VPS13A: variants seen among roughly 807,000 people sequenced by gnomAD.
VPS13A encodes the protein intermembrane lipid transfer protein VPS13A.
A neutral mutation model predicts 390.9 loss-of-function variants in VPS13A; 264 were observed. That is an observed-to-expected ratio of 0.68 (90% CI 0.61 to 0.75). The LOEUF is 0.75. Among genes scored for constraint, VPS13A ranks in the 30% least tolerant of loss-of-function variants. VPS13A has a pLI of 0.00. For synonymous variants in VPS13A, 1,231 were observed against 1,227.1 expected (o/e 1.00, Z -0.07); for missense variants, 3,409 against 3,733.9 (o/e 0.91, Z 2.27).
intron 45 of VPS13A, among the ~76,000 whole-genome samples, chr9:77,327,104 G>A (rs537013836): frequency 6.6e-6 from 1 of 152,286 alleles, no homozygotes; most frequent in Non-Finnish European, 1.5e-5. Context: ...GGTAGTCATA[G>A]GGCTTATGTA....
intron 67 of VPS13A, among the ~76,000 whole-genome samples, chr9:77,375,573 CA>C (rs1438062280): frequency 6.6e-6 from 1 of 152,106 alleles, no homozygotes; most frequent in Non-Finnish European, 1.5e-5. Flanking sequence ...AAGATAGTAA[CA>C]ATTTCAAACT....
At chr9:77,318,849 A>G (rs1003210589) in intron 41 of VPS13A, among the ~76,000 whole-genome samples, 6 of 152,154 alleles carry the variant, frequency 3.9e-5, no homozygotes, top group Non-Finnish European at 7.3e-5. Flanking sequence ...CAACTTAAAG[A>G]TAATATATTA....
intron 67 of VPS13A, 108 bp downstream of exon 67, chr9:77,371,257 T>C (rs1458899261): frequency 1.4e-6 from 2 of 1,462,922 alleles, no homozygotes; most frequent in East Asian, 2.4e-5. Flanking sequence ...TGTTTTGTGC[T>C]GCTATAACAT....
At chr9:77,186,989 A>G (rs981442616) in intron 1 of VPS13A, among the ~76,000 whole-genome samples, 2 of 152,138 alleles carry the variant, frequency 1.3e-5, no homozygotes, top group Non-Finnish European at 2.9e-5. Flanking sequence ...AGTATTTGCC[A>G]TTTGTTATTG....
chr9:77,185,093 T>C (rs1342177019), intron 1 of VPS13A, among the ~76,000 whole-genome samples: 4 of 151,838 alleles, frequency 2.6e-5, no homozygotes, highest in Non-Finnish European at 5.9e-5. Context: ...ACATCTGAAG[T>C]GAGGGGCAGT....
rs530043210 is a variant in VPS13A, at chr9:77,270,044, T to C, written c.2428-3236T>C. On this transcript the variant is annotated intron_variant, in intron 23 of 71. Transcript: ENST00000360280. The stretch of plus-strand genomic sequence containing the variant: ...GCCTCCAGAACTGTGAGAACATAGA[T>C]TTCTGTTGTTAAAGTCACCCAGTCT... Among the ~76,000 whole-genome samples the C allele has an allele frequency of 5.9e-5, 9 of 152,308 alleles. No homozygotes were observed. In the South Asian group the frequency reaches 1.7e-3, roughly 28 times the overall value.
At chr9:77,269,882 C>T (rs560615507) in intron 23 of VPS13A, among the ~76,000 whole-genome samples, 2 of 152,170 alleles carry the variant, frequency 1.3e-5, no homozygotes, top group Non-Finnish European at 1.5e-5. Flanking sequence ...CTAGGGTGGG[C>T]GCTAATCCAG....
intron 19 of VPS13A, among the ~76,000 whole-genome samples, chr9:77,239,067 ATT>A (rs560423691): frequency 6.7e-6 from 1 of 149,410 alleles, no homozygotes; most frequent in African/African-American, 2.5e-5. Flanking sequence ...TCCTTACTGG[ATT>A]TTTTTTTTCC....
chr9:77,295,783 A>G lies in VPS13A; in HGVS notation c.3749A>G (p.Gln1250Arg). 2 of 1,614,008 alleles carry G rather than the reference A, an allele frequency of 1.2e-6. No homozygotes were observed. Among genetic ancestry groups the G allele is most frequent in the Non-Finnish European group, 1.7e-6 (2 of 1,179,916 alleles). Residue 1250 changes from glutamine to arginine, a missense_variant, in exon 33 of 72, where the codon CAG (glutamine) becomes CGG (arginine). Physicochemically the swap from Gln to Arg is conservative, Grantham distance 43. This residue lies in a region of VPS13A where 2,717 missense variants were observed against 2,917.4 expected (regional missense o/e 0.93). Coordinates refer to ENST00000360280, the MANE Select transcript of VPS13A (RefSeq NM_033305.3). ...ACCTTTCATATGATAACAGAGAGCC[A>G]GAGCTCTCCCCCACCTGTTATTGAT... is the stretch of plus-strand genomic sequence containing the variant. The part of the protein sequence containing the change: ...TNTFHMITES[Q>R]SSPPPVIDLI...
chr9:77,292,789 G>C (rs1827755823), intron 31 of VPS13A, among the ~76,000 whole-genome samples: 1 of 151,970 alleles, frequency 6.6e-6, no homozygotes, highest in Non-Finnish European at 1.5e-5. Context: ...AACTGTTATT[G>C]CAGAGCTTGA....
intron 67 of VPS13A, among the ~76,000 whole-genome samples, chr9:77,374,134 T>C (rs1832943916): frequency 6.6e-6 from 1 of 152,192 alleles, no homozygotes; most frequent in Non-Finnish European, 1.5e-5. Flanking sequence ...ACCCTTCCTT[T>C]ATTATCTTAT....
At position 77,276,106 on chromosome 9, in the gene VPS13A, A is replaced by C. The variant is rs1256989711; in HGVS notation, c.2709A>C (p.Leu903=). Residue 903 remains leucine (L), a synonymous_variant, in exon 26 of 72, where the codon CTA becomes CTC. Coordinates refer to ENST00000360280, the MANE Select transcript of VPS13A (RefSeq NM_033305.3). The part of the protein sequence containing the change: ...EFYHLVGDCE[L]SVVEILVLGL... ...ATCACCTTGTTGGAGATTGTGAACT[A>C]TCTGTGGTAGAAATTCTTGTTTTAG... is the stretch of plus-strand genomic sequence containing the variant. The C allele has an allele frequency of 6.2e-7, 1 of 1,613,098 alleles. No individual in the cohort carries two copies. Among genetic ancestry groups the C allele is most frequent in the Non-Finnish European group, 8.5e-7 (1 of 1,179,728 alleles).
In VPS13A at chr9:77,273,271, T is replaced by TTC. The variant is rs1554878336; in HGVS notation, c.2428-7_2428-6dup. 6.2e-7 allele frequency: 1 copy of TTC among 1,603,198 alleles called. No individual in the cohort carries two copies. The highest frequency in any genetic ancestry group is 8.5e-7 in the Non-Finnish European group (1 of 1,171,808). ...TGTGCTAATCAACATTGAATTACTT[T>TTC]TCTTTCAGATTCAAACATCTACTTC... On this transcript the variant is annotated splice_polypyrimidine_tract_variant and intron_variant, in intron 23 of 71. Coordinates refer to ENST00000360280, the MANE Select transcript of VPS13A (RefSeq NM_033305.3).
rs370646590 is a variant in VPS13A at position 77,280,143 on chromosome 9, A to T, written c.2825-16A>T. ...CCTTTCCGATGAAAAGATAATTTTT[A>T]AAAAATTATTTTTAGATGAAAACAA... On this transcript the variant is annotated splice_polypyrimidine_tract_variant and intron_variant, in intron 26 of 71. Coordinates refer to ENST00000360280, the MANE Select transcript of VPS13A (RefSeq NM_033305.3). 5.7e-6 allele frequency: 9 copies of T among 1,568,998 alleles called. No individual in the cohort carries two copies. In the African/African-American group the frequency reaches 8.2e-5, roughly 14 times the overall value.
intron 17 of VPS13A, among the ~76,000 whole-genome samples, chr9:77,235,431 G>C (rs1824088985): frequency 6.6e-6 from 1 of 152,070 alleles, no homozygotes; most frequent in Non-Finnish European, 1.5e-5. Flanking sequence ...TACATATCTT[G>C]TTATGTGATG....
intron 68 of VPS13A, chr9:77,390,001 G>A (rs1232127939): frequency 2.5e-6 from 2 of 784,770 alleles, no homozygotes; most frequent in Non-Finnish European, 3.1e-6. Context: ...ATAGCAATTG[G>A]AAGATAACTG....
chr9:77,407,660 G>T (rs780532017), intron 71 of VPS13A, 53 bp downstream of exon 71: 5 of 1,320,340 alleles, frequency 3.8e-6, no homozygotes, highest in Non-Finnish European at 5.4e-6. Flanking sequence ...TCAAAATCAT[G>T]TAAGTGGACT....
In VPS13A at chr9:77,405,948, A is replaced by G; in HGVS notation, c.9360A>G (p.Pro3120=). ...QYSFDEFTKE[P]FIVHGRRLRI... is the part of the protein sequence containing the mutation. The stretch of plus-strand genomic sequence containing the variant: ...GTTTTGATGAATTTACCAAAGAGCC[A>G]TTCATTGTTCATGGGAGAAGATTGC... The change falls in exon 70 of 72, where the codon CCA becomes CCG. Residue 3120 remains proline, a synonymous_variant. Transcript: ENST00000360280. 2 of 1,613,986 alleles carry G rather than the reference A, an allele frequency of 1.2e-6. No homozygotes were observed. Among genetic ancestry groups the G allele is most frequent in the Non-Finnish European group, 1.7e-6 (2 of 1,179,986 alleles).
At chr9:77,372,993 A>G (rs1160881717) in intron 67 of VPS13A, among the ~76,000 whole-genome samples, 1 of 152,174 alleles carries the variant, frequency 6.6e-6, no homozygotes, top group Non-Finnish European at 1.5e-5. Flanking sequence ...AGAGGATACA[A>G]ACGAATGGAA....
Sources: gnomAD v4.1 joint callset for allele counts (sites outside exome capture counted in the v4.1 genomes callset) on GRCh38, gnomAD v4.1.1 for gene constraint, gnomAD v4.1.1 regional missense constraint, MANE v1.5 for transcripts, NCBI Gene and HGNC (gene_info 2026-07-23, HGNC 2026-07-21) for gene names.